The following VAV3 variants were observed in gnomAD, a reference collection of about 807,000 sequenced individuals.
The protein encoded by VAV3 is guanine nucleotide exchange factor VAV3.
A neutral mutation model predicts 131.2 loss-of-function variants in VAV3; 94 were observed. The ratio of observed to expected loss-of-function variants is 0.72; its 90% CI spans 0.61 to 0.85. The LOEUF is 0.85. Among genes scored for constraint, VAV3 ranks in the 40% least tolerant of loss-of-function variants. The pLI is 0.00. For synonymous variants in VAV3, 349 were observed against 342.0 expected (o/e 1.02, Z -0.22); for missense variants, 939 against 1,002.7 (o/e 0.94, Z 0.86).
intron 15 of VAV3, among the ~76,000 whole-genome samples, chr1:107,722,840 C>CTTTTTTTTTTT (rs374127110): frequency 3.4e-4 from 44 of 129,780 alleles, no homozygotes; most frequent in East Asian, 9.0e-4. Context: ...ATTATCCTCT[C>CTTTTTTTTTTT]TTTTTTTTTT....
At chr1:107,853,184 C>T (rs1669304876) in intron 2 of VAV3, among the ~76,000 whole-genome samples, 1 of 152,092 alleles carries the variant, frequency 6.6e-6, no homozygotes, top group Admixed American at 6.6e-5. Context: ...CAGTTAAGAG[C>T]TCGTGCTCTG....
intron 22 of VAV3, among the ~76,000 whole-genome samples, chr1:107,605,661 G>C (rs531321106): frequency 6.6e-6 from 1 of 152,234 alleles, no homozygotes; most frequent in African/African-American, 2.4e-5. Flanking sequence ...CTAAAATGCA[G>C]ATTATAGTCA....
At chr1:107,945,215 C>T (rs1299829941) in intron 1 of VAV3, among the ~76,000 whole-genome samples, 2 of 152,062 alleles carry the variant, frequency 1.3e-5, no homozygotes, top group African/African-American at 2.4e-5. Flanking sequence ...GACTTTCCCT[C>T]ATTAACATGA....
intron 2 of VAV3, among the ~76,000 whole-genome samples, chr1:107,818,642 G>A (rs1450628524): frequency 1.3e-5 from 2 of 151,944 alleles, no homozygotes; most frequent in Non-Finnish European, 2.9e-5. Flanking sequence ...AAAACAAGCT[G>A]GATTTTGTCA....
chr1:107,650,973 C>T (rs1211629834), intron 19 of VAV3, among the ~76,000 whole-genome samples: 4 of 152,040 alleles, frequency 2.6e-5, no homozygotes, highest in Non-Finnish European at 5.9e-5. Flanking sequence ...ATGATGAGTT[C>T]ATGTCCTTTG....
intron 12 of VAV3, among the ~76,000 whole-genome samples, chr1:107,753,528 G>GTA (rs1491139384): frequency 0.013 from 978 of 73,126 alleles, 37 homozygotes; most frequent in South Asian, 0.048. Context: ...ATATATATAC[G>GTA]TATATATATA....
At chr1:107,707,068 A>C (rs1570792885) in intron 15 of VAV3, among the ~76,000 whole-genome samples, 1 of 152,198 alleles carries the variant, frequency 6.6e-6, no homozygotes, top group East Asian at 1.9e-4. Flanking sequence ...GATGTTTTAC[A>C]AAAAAATTAT....
intron 1 of VAV3, among the ~76,000 whole-genome samples, chr1:107,880,177 G>C (rs1670698398): frequency 6.6e-6 from 1 of 152,156 alleles, no homozygotes; most frequent in South Asian, 2.1e-4. Context: ...GAGAGCCCTA[G>C]GGTATCAGGG....
chr1:107,741,323 G>C (rs2102019371), intron 15 of VAV3, among the ~76,000 whole-genome samples: 1 of 152,332 alleles, frequency 6.6e-6, no homozygotes, highest in East Asian at 1.9e-4. Context: ...TGGGTAACAT[G>C]ACATGGCTTT....
chr1:107,800,064 T>C (rs1010555465), intron 2 of VAV3, among the ~76,000 whole-genome samples: 1 of 152,204 alleles, frequency 6.6e-6, no homozygotes, highest in African/African-American at 2.4e-5. Context: ...TGTGTACATA[T>C]ATCACATTTT....
intron 2 of VAV3, among the ~76,000 whole-genome samples, chr1:107,869,217 A>T (rs1378251621): frequency 3.3e-5 from 5 of 152,232 alleles, no homozygotes; most frequent in Non-Finnish European, 7.3e-5. Flanking sequence ...GAAAGAGGAA[A>T]GTGTGGTTTC....
intron 2 of VAV3, among the ~76,000 whole-genome samples, chr1:107,834,493 C>T (rs75303797): frequency 6.6e-6 from 1 of 151,848 alleles, no homozygotes; most frequent in African/African-American, 2.4e-5. Context: ...TCAATTAGAT[C>T]AAGTTATTTG....
In VAV3 at chr1:107,766,277, A is replaced by T. The variant is rs555735247; in HGVS notation, c.821+170T>A. Among the ~76,000 whole-genome samples the T allele has an allele frequency of 2.6e-5, 4 of 152,180 alleles. No individual in the cohort carries two copies. In the South Asian group the frequency reaches 6.2e-4, roughly 24 times the overall value. ...CTTCTTCTTTTTTTCTTTTTTAATT[A>T]CATATATAGAACTCAAACTACTACT... On this transcript the variant is annotated intron_variant, in intron 8 of 26. Transcript: ENST00000370056.
intron 25 of VAV3, among the ~76,000 whole-genome samples, chr1:107,582,292 C>T (rs1488500220): frequency 2.6e-5 from 4 of 152,148 alleles, no homozygotes; most frequent in Admixed American, 6.5e-5. Context: ...TATTTTAGAA[C>T]TCAGGCATAT....
At chr1:107,826,133 G>A (rs1397732251) in intron 2 of VAV3, among the ~76,000 whole-genome samples, 1 of 151,798 alleles carries the variant, frequency 6.6e-6, no homozygotes, top group Non-Finnish European at 1.5e-5. Context: ...AACTTAAGGA[G>A]CTAAATCTAC....
At chr1:107,583,574 A>T (rs1335441167) in intron 25 of VAV3, among the ~76,000 whole-genome samples, 1 of 152,188 alleles carries the variant, frequency 6.6e-6, no homozygotes, top group African/African-American at 2.4e-5. Flanking sequence ...CAGGATACAA[A>T]ATCAATGTAC....
chr1:107,622,711 T>C (rs868321272), intron 20 of VAV3, among the ~76,000 whole-genome samples: 1 of 152,150 alleles, frequency 6.6e-6, no homozygotes, highest in Middle Eastern at 3.2e-3. Flanking sequence ...GCTGTGGAGA[T>C]TACTAAGCAA....
chr1:107,694,447 T>C (rs1198913089), intron 17 of VAV3, among the ~76,000 whole-genome samples: 1 of 152,188 alleles, frequency 6.6e-6, no homozygotes, highest in Non-Finnish European at 1.5e-5. Flanking sequence ...TTGCTACTTA[T>C]TAATCTAACC....
At chr1:107,664,428 C>T (rs971211500) in intron 19 of VAV3, among the ~76,000 whole-genome samples, 5 of 152,002 alleles carry the variant, frequency 3.3e-5, no homozygotes, top group Admixed American at 6.6e-5. Flanking sequence ...TCAGTTCCTA[C>T]TTATAAGTGA....
Sources: allele counts gnomAD v4.1 joint callset (sites outside exome capture counted in the v4.1 genomes callset), GRCh38; gene constraint gnomAD v4.1.1; transcripts MANE v1.5; gene names NCBI Gene and HGNC (gene_info 2026-07-23, HGNC 2026-07-21).